The following FRMD4A variants were observed in gnomAD, a reference collection of about 807,000 sequenced individuals.
FRMD4A encodes the protein FERM domain-containing protein 4A.
A neutral mutation model predicts 129.1 loss-of-function variants in FRMD4A; 29 were observed. The observed-to-expected ratio is 0.22, with a 90% CI of 0.17 to 0.31. FRMD4A has a LOEUF of 0.31. Among genes scored for constraint, FRMD4A ranks in the 10% least tolerant of loss-of-function variants. The pLI, the probability that FRMD4A is intolerant of heterozygous loss-of-function variation, is 1.00. For synonymous variants in FRMD4A, 634 were observed against 571.6 expected, an observed-to-expected ratio of 1.11 and a Z score of -1.56; for missense variants, 1,272 against 1,375.8, an observed-to-expected ratio of 0.92 and a Z score of 1.19.
intron 4 of FRMD4A, among the ~76,000 whole-genome samples, chr10:13,806,811 C>T (rs2093364245): frequency 6.6e-6 from 1 of 152,026 alleles, no homozygotes; most frequent in African/African-American, 2.4e-5. Flanking sequence ...AATATAAATA[C>T]TTTTTTTATT....
At chr10:14,287,786 C>T (rs1845727833) in intron 2 of FRMD4A, among the ~76,000 whole-genome samples, 3 of 152,178 alleles carry the variant, frequency 2.0e-5, no homozygotes, top group Admixed American at 6.5e-5. Context: ...CTTAAGACTG[C>T]TCTCTCTGCC....
intron 2 of FRMD4A, among the ~76,000 whole-genome samples, chr10:14,328,372 G>A (rs144870314): frequency 1.6e-5 from 2 of 124,444 alleles, no homozygotes; most frequent in African/African-American, 3.4e-5. Flanking sequence ...GTGTGGGTGG[G>A]GGGGGGGGGT....
intron 17 of FRMD4A, among the ~76,000 whole-genome samples, chr10:13,666,864 G>A (rs2083080245): frequency 6.7e-6 from 1 of 149,294 alleles, no homozygotes; most frequent in Admixed American, 6.7e-5. Context: ...GTCTTTCCCT[G>A]TACCCCCACT....
At chr10:14,171,013 A>AT (rs1564360341) in intron 2 of FRMD4A, among the ~76,000 whole-genome samples, 13 of 2,024 alleles carry the variant, frequency 6.4e-3, no homozygotes, top group Admixed American at 0.016. Flanking sequence ...ATACGAGGGG[A>AT]GTTTTTTTTT....
At chr10:13,941,294 C>T (rs902039480) in intron 2 of FRMD4A, among the ~76,000 whole-genome samples, 2 of 152,186 alleles carry the variant, frequency 1.3e-5, no homozygotes. Context: ...CTCCCATTCT[C>T]TCTTGTCTGC....
chr10:13,835,473 G>A (rs549354853), intron 3 of FRMD4A, among the ~76,000 whole-genome samples: 20 of 152,242 alleles, frequency 1.3e-4, no homozygotes, highest in African/African-American at 2.9e-4. Flanking sequence ...GCGGTGAGTC[G>A]CAGGAGAGTG....
At chr10:13,670,841 A>G (rs1307147051) in intron 16 of FRMD4A, among the ~76,000 whole-genome samples, 3 of 152,208 alleles carry the variant, frequency 2.0e-5, no homozygotes, top group Non-Finnish European at 4.4e-5. Context: ...TTGTTAAGTG[A>G]ACAGATATTT....
chr10:14,020,661 C>G (rs1832701996), intron 2 of FRMD4A, among the ~76,000 whole-genome samples: 1 of 150,526 alleles, frequency 6.6e-6, no homozygotes, highest in Non-Finnish European at 1.5e-5. Flanking sequence ...AAAAAGGCAG[C>G]CCCAATTTTT....
intron 2 of FRMD4A, among the ~76,000 whole-genome samples, chr10:14,322,419 A>G (rs1181260621): frequency 6.6e-6 from 1 of 152,194 alleles, no homozygotes; most frequent in African/African-American, 2.4e-5. Context: ...CTGTGGAACA[A>G]GCAGGAGAAT....
chr10:14,315,133 C>T (rs561416204), intron 2 of FRMD4A, among the ~76,000 whole-genome samples: 1 of 152,146 alleles, frequency 6.6e-6, no homozygotes, highest in South Asian at 2.1e-4. Context: ...TCCACTCCCT[C>T]CCCTTTCAAT....
At chr10:14,124,701 A>AC (rs1554765433) in intron 2 of FRMD4A, among the ~76,000 whole-genome samples, 35 of 151,716 alleles carry the variant, frequency 2.3e-4, no homozygotes, top group African/African-American at 8.0e-4. Flanking sequence ...AACAACAACA[A>AC]AACAAAACAA....
At chr10:13,906,426 CCTTTT>C (rs767550874) in intron 2 of FRMD4A, among the ~76,000 whole-genome samples, 15 of 152,144 alleles carry the variant, frequency 9.9e-5, no homozygotes, top group Admixed American at 3.9e-4. Context: ...TGAGTTCTAA[CCTTTT>C]CTTCATCTCA....
intron 4 of FRMD4A, among the ~76,000 whole-genome samples, chr10:13,798,347 G>T (rs1425361143): frequency 2.0e-5 from 3 of 152,080 alleles, no homozygotes; most frequent in Admixed American, 6.5e-5. Context: ...GGGAGATGGA[G>T]GTTGCAGTGA....
chr10:14,019,096 C>A (rs1701027486), intron 2 of FRMD4A, among the ~76,000 whole-genome samples: 1 of 151,922 alleles, frequency 6.6e-6, no homozygotes, highest in South Asian at 2.1e-4. Flanking sequence ...GGAGAGGTAC[C>A]AAGGGAGTTC....
chr10:14,112,804 G>T (rs994442393), intron 2 of FRMD4A, among the ~76,000 whole-genome samples: 1 of 152,204 alleles, frequency 6.6e-6, no homozygotes, highest in Admixed American at 6.5e-5. Flanking sequence ...GGGATTACAG[G>T]CATGAGCCAC....
Position 13,673,769 on chromosome 10 carries a change from C to CTTT in FRMD4A, c.1251+1139_1251+1141dup, listed in dbSNP as rs1156236426. On this transcript the variant is annotated intron_variant, in intron 16 of 24. Coordinates refer to ENST00000357447, the MANE Select transcript of FRMD4A (RefSeq NM_018027.5). ...CATACATAGGGTCGAGAAAGCATTG[C>CTTT]TTTTTTTTTTTTTTTTTTTTTTTTG... is the stretch of plus-strand genomic sequence containing the variant. 3.2e-3 allele frequency among the ~76,000 whole-genome samples: 298 copies of CTTT among 94,234 alleles called. 2 individuals are homozygous for CTTT. The highest frequency in any genetic ancestry group is 7.3e-3 in the African/African-American group (157 of 21,502). 61.8% of individuals were successfully genotyped at this position (94,234 alleles called of 152,430 possible).
intron 2 of FRMD4A, among the ~76,000 whole-genome samples, chr10:14,311,819 T>C (rs1474088971): frequency 2.6e-5 from 4 of 152,188 alleles, no homozygotes; most frequent in Non-Finnish European, 4.4e-5. Context: ...GAATAAACTA[T>C]GTAGTTGAGC....
At chr10:13,899,650 G>A (rs922668952) in intron 2 of FRMD4A, among the ~76,000 whole-genome samples, 3 of 152,120 alleles carry the variant, frequency 2.0e-5, no homozygotes, top group Non-Finnish European at 4.4e-5. Flanking sequence ...GTGCCAGAGC[G>A]AGACCCTGTC....
Position 13,858,833 on chromosome 10 carries a change from C to G in FRMD4A, c.111+14G>C. The stretch of plus-strand genomic sequence containing the variant: ...CACCAAAGAAACTCAGAAAGTTGAC[C>G]AAAAGCGATTTACCTGTACTAGGAG... On this transcript the variant is annotated intron_variant, in intron 3 of 24. Transcript: ENST00000357447. 1 of 1,536,140 alleles carries G rather than the reference C, an allele frequency of 6.5e-7. No homozygotes were observed. The highest frequency in any genetic ancestry group is 9.0e-7 in the Non-Finnish European group (1 of 1,108,980).
Sources: allele counts gnomAD v4.1 joint callset (sites outside exome capture counted in the v4.1 genomes callset), GRCh38; gene constraint gnomAD v4.1.1; transcripts MANE v1.5; gene names NCBI Gene and HGNC (gene_info 2026-07-23, HGNC 2026-07-21).